The following ZFAND3 variants were observed in gnomAD, a reference collection of about 807,000 sequenced individuals.
The protein encoded by ZFAND3 is AN1-type zinc finger protein 3.
Under a neutral mutation model 29.6 loss-of-function variants are expected in ZFAND3, and 10 were observed. That is an observed-to-expected ratio of 0.34 (90% CI 0.21 to 0.57). The LOEUF is 0.57. Among genes scored for constraint, ZFAND3 ranks in the 20% least tolerant of loss-of-function variants. The pLI is 0.86. For synonymous variants in ZFAND3, 128 were observed against 112.6 expected (o/e 1.14, Z -0.87); for missense variants, 230 against 304.5 (o/e 0.76, Z 1.82).
In ZFAND3 at chr6:37,819,982, A is replaced by G; in HGVS notation, c.37A>G (p.Ser13Gly). Reference sequence around the variant, plus strand: ...TGGGAGCGAGCGCAGCAAAGCGCCCAGCCTGCCGCCTCGCTGTCCCTGCGG... The same window carrying G: ...TGGGAGCGAGCGCAGCAAAGCGCCCGGCCTGCCGCCTCGCTGTCCCTGCGG... ...DAGSERSKAP[S>G]LPPRCPCGFW... Residue 13 changes from serine (S) to glycine (G), a missense_variant, in exon 1 of 6, where the codon AGC becomes GGC. Ser to Gly is a moderately conservative substitution (Grantham distance 56). Around this residue, in one of 2 missense-constraint regions of ZFAND3, gnomAD observed 180 missense variants for 202.5 expected, o/e 0.89. Coordinates refer to ENST00000287218, the MANE Select transcript of ZFAND3 (RefSeq NM_021943.3). The G allele has an allele frequency of 1.6e-6, 2 of 1,219,398 alleles. No individual in the cohort carries two copies. The highest frequency in any genetic ancestry group is 2.0e-6 in the Non-Finnish European group (2 of 980,070). The allele number at this position is 1,219,398 out of a possible 1,614,324, so 75.5% of individuals were successfully genotyped here. A position where few individuals can be genotyped will look rare whatever the true frequency, so the allele number is the denominator to read the frequency against.
At chr6:38,038,046 A>G (rs1305446801) in intron 2 of ZFAND3, among the ~76,000 whole-genome samples, 2 of 152,222 alleles carry the variant, frequency 1.3e-5, no homozygotes, top group African/African-American at 4.8e-5. Flanking sequence ...AAAAGCATTA[A>G]GGAGCCACAC....
chr6:38,021,547 T>A (rs1181035959), intron 2 of ZFAND3, among the ~76,000 whole-genome samples: 1 of 152,214 alleles, frequency 6.6e-6, no homozygotes, highest in East Asian at 1.9e-4. Flanking sequence ...TTATGTAACA[T>A]TGAAGGTTCT....
chr6:37,862,532 A>AG (rs2127384466), intron 1 of ZFAND3, among the ~76,000 whole-genome samples: 1 of 151,414 alleles, frequency 6.6e-6, no homozygotes, highest in South Asian at 2.1e-4. Context: ...AAAAAAAAAA[A>AG]GAAAAAGCAG....
In ZFAND3 at chr6:38,062,134, C is replaced by T. The variant is rs898763459; in HGVS notation, c.295+359C>T. Among the ~76,000 whole-genome samples, 7 of 152,058 alleles carry T rather than the reference C, an allele frequency of 4.6e-5. No individual in the cohort carries two copies. The East Asian group carries it at 7.7e-4, about 17-fold the overall frequency. ...CCCAGGGATCTGTTATTTTTAACTC[C>T]GCAGAGGATTTCTAATATGCAGCAA... On this transcript the variant is annotated intron_variant, in intron 3 of 5. Coordinates refer to ENST00000287218, the MANE Select transcript of ZFAND3 (RefSeq NM_021943.3).
At chr6:38,151,161 G>A (rs574070438) in intron 5 of ZFAND3, among the ~76,000 whole-genome samples, 6 of 152,158 alleles carry the variant, frequency 3.9e-5, no homozygotes, top group Non-Finnish European at 5.9e-5. Context: ...GTGCAGCTGC[G>A]CCCTGAGTTC....
At chr6:37,909,497 C>G (rs1439527086) in intron 1 of ZFAND3, among the ~76,000 whole-genome samples, 1 of 151,786 alleles carries the variant, frequency 6.6e-6, no homozygotes, top group African/African-American at 2.4e-5. Context: ...CTAGGCTCCT[C>G]TTGAACTCCT....
chr6:38,119,467 C>A (rs182983745), intron 5 of ZFAND3, among the ~76,000 whole-genome samples: 5 of 152,276 alleles, frequency 3.3e-5, no homozygotes, highest in Admixed American at 3.3e-4. Flanking sequence ...GCCTTCCATT[C>A]TGTACAGGTT....
At position 37,926,301 on chromosome 6, in the gene ZFAND3, C is replaced by T. The variant is rs960281642; in HGVS notation, c.72-3658C>T. On this transcript the variant is annotated intron_variant, in intron 1 of 5. Transcript: ENST00000287218. ...AATAGAAATTTATTTTCTCAAAGTT[C>T]TGGAGACTAGAAGTCCAAGATCTGG... Among the ~76,000 whole-genome samples the T allele has an allele frequency of 7.8e-4, 119 of 152,172 alleles. 1 individual carries two copies. The highest frequency in any genetic ancestry group is 9.3e-4 in the Non-Finnish European group (63 of 68,018).
At chr6:37,968,112 T>C (rs1762323681) in intron 2 of ZFAND3, among the ~76,000 whole-genome samples, 1 of 152,130 alleles carries the variant, frequency 6.6e-6, no homozygotes, top group Admixed American at 6.5e-5. Context: ...ATAATTTGTA[T>C]TCTGCAAGTG....
At chr6:38,124,949 G>A (rs1300930673) in intron 5 of ZFAND3, among the ~76,000 whole-genome samples, 5 of 152,194 alleles carry the variant, frequency 3.3e-5, no homozygotes. Flanking sequence ...TCTGGGTGAT[G>A]AAAGACTAAA....
chr6:37,891,186 T>G (rs1384607509), intron 1 of ZFAND3, among the ~76,000 whole-genome samples: 1 of 152,222 alleles, frequency 6.6e-6, no homozygotes, highest in Non-Finnish European at 1.5e-5. Flanking sequence ...GTGACTGGCT[T>G]CTTTAACTTA....
chr6:38,092,544 G>A (rs1024164050), intron 4 of ZFAND3, among the ~76,000 whole-genome samples: 4 of 152,184 alleles, frequency 2.6e-5, no homozygotes, highest in African/African-American at 9.7e-5. Context: ...CTCGTGAAAT[G>A]CTTAGAATTC....
intron 1 of ZFAND3, among the ~76,000 whole-genome samples, chr6:37,899,933 A>G (rs1765288574): frequency 6.6e-6 from 1 of 152,194 alleles, no homozygotes; most frequent in South Asian, 2.1e-4. Context: ...TTGGGCATGT[A>G]CTATACATAC....
chr6:38,067,051 A>G (rs1396338122), intron 3 of ZFAND3, among the ~76,000 whole-genome samples: 4 of 152,242 alleles, frequency 2.6e-5, no homozygotes, highest in Non-Finnish European at 5.9e-5. Context: ...TGCGATAGTA[A>G]TGGTAACGGC....
At chr6:37,903,489 C>T (rs557657782) in intron 1 of ZFAND3, among the ~76,000 whole-genome samples, 1 of 152,312 alleles carries the variant, frequency 6.6e-6, no homozygotes, top group African/African-American at 2.4e-5. Context: ...CAAAGCGTCT[C>T]CTATCTACTG....
chr6:38,014,579 A>C (rs1022683814), intron 2 of ZFAND3, among the ~76,000 whole-genome samples: 3 of 152,172 alleles, frequency 2.0e-5, no homozygotes, highest in Non-Finnish European at 4.4e-5. Context: ...TACCCGCCTC[A>C]GCCTCCCAAA....
chr6:37,918,905 A>G (rs965669101), intron 1 of ZFAND3, among the ~76,000 whole-genome samples: 3 of 149,488 alleles, frequency 2.0e-5, no homozygotes, highest in Non-Finnish European at 3.0e-5. Flanking sequence ...CTCTTGTACT[A>G]GATGGTTGGG....
At chr6:38,058,517 A>G (rs1429134088) in intron 2 of ZFAND3, among the ~76,000 whole-genome samples, 1 of 152,268 alleles carries the variant, frequency 6.6e-6, no homozygotes, top group Non-Finnish European at 1.5e-5. Context: ...GGCTAGGAGA[A>G]ATAAATACAC....
chr6:38,122,518 G>C (rs1370370681), intron 5 of ZFAND3, among the ~76,000 whole-genome samples: 2 of 152,166 alleles, frequency 1.3e-5, no homozygotes, highest in Non-Finnish European at 2.9e-5. Context: ...GTTATTTTCT[G>C]CTGGCTCCTG....
Sources: gnomAD v4.1 joint callset for allele counts (sites outside exome capture counted in the v4.1 genomes callset) on GRCh38, gnomAD v4.1.1 for gene constraint, gnomAD v4.1.1 regional missense constraint, MANE v1.5 for transcripts, NCBI Gene and HGNC (gene_info 2026-07-23, HGNC 2026-07-21) for gene names.